Variants in CPS1 observed in about 807,000 individuals in gnomAD.
The protein encoded by CPS1 is carbamoyl-phosphate synthase [ammonia], mitochondrial.
CPS1 carries 109 observed loss-of-function variants against 174.6 expected under a neutral mutation model. The observed-to-expected ratio is 0.62, with a 90% CI of 0.53 to 0.73. The LOEUF (loss-of-function observed/expected upper bound fraction) is 0.73. Ranked by LOEUF, CPS1 falls within the 30% of genes least tolerant of loss-of-function variation. The pLI is 0.00. For missense variants in CPS1, 1,689 were observed against 1,821.9 expected, an observed-to-expected ratio of 0.93 and a Z score of 1.33; for synonymous variants, 637 against 632.0, an observed-to-expected ratio of 1.01 and a Z score of -0.12.
intron 6 of CPS1, among the ~76,000 whole-genome samples, chr2:210,583,885 G>A (rs1320277001): frequency 1.3e-5 from 2 of 152,222 alleles, no homozygotes; most frequent in African/African-American, 4.8e-5. Flanking sequence ...CAAAACTCAC[G>A]AGAGCCTGAA....
chr2:210,616,676 C>A, intron 21 of CPS1, 135 bp downstream of exon 21: 1 of 705,118 alleles, frequency 1.4e-6, no homozygotes, highest in East Asian at 2.5e-5. Context: ...AAATAGTACC[C>A]GTAGCCAGAA....
At chr2:210,582,470 G>C in intron 5 of CPS1, 147 bp from the exon 6 acceptor site, 1 of 686,098 alleles carries the variant, frequency 1.5e-6, no homozygotes, top group Non-Finnish European at 2.6e-6. Context: ...TTTTCAGTTT[G>C]AGAAGATGAA....
chr2:210,547,265 AC>A (rs1388994850), intron 1 of CPS1, among the ~76,000 whole-genome samples: 1 of 152,142 alleles, frequency 6.6e-6, no homozygotes, highest in African/African-American at 2.4e-5. Context: ...TTTAAAAAGC[AC>A]TTTGTTTTAA....
chr2:210,661,392 A>G (rs1700917274), intron 32 of CPS1, among the ~76,000 whole-genome samples: 1 of 152,224 alleles, frequency 6.6e-6, no homozygotes, highest in South Asian at 2.1e-4. Context: ...GAGCACAATG[A>G]AATTAATATA....
intron 1 of CPS1, among the ~76,000 whole-genome samples, chr2:210,513,255 A>G (rs1034171228): frequency 1.2e-4 from 18 of 151,048 alleles, no homozygotes; most frequent in African/African-American, 4.4e-4. Context: ...AAATCTCTAA[A>G]CTGCTTTCTA....
At position 210,590,259 on chromosome 2, in the gene CPS1, G is replaced by A. The variant is rs369669109; in HGVS notation, c.840+25G>A. Reference sequence around the variant, plus strand: ...GGTGCAATGAACCTTGAATTCATGTGTATCTGTGTGGGAGGTGGGGGCTTC... The same window carrying A: ...GGTGCAATGAACCTTGAATTCATGTATATCTGTGTGGGAGGTGGGGGCTTC... On this transcript the variant is annotated intron_variant, in intron 8 of 37. Coordinates refer to ENST00000233072, the MANE Select transcript of CPS1 (RefSeq NM_001875.5). 15 of 1,611,992 alleles carry A rather than the reference G, an allele frequency of 9.3e-6. No individual in the cohort carries two copies. In the African/African-American group the frequency reaches 1.3e-4, roughly 14 times the overall value.
At chr2:210,580,277 C>T (rs1697876706) in intron 5 of CPS1, among the ~76,000 whole-genome samples, 1 of 152,074 alleles carries the variant, frequency 6.6e-6, no homozygotes, top group African/African-American at 2.4e-5. Context: ...GCATGCATTA[C>T]TTCAATTATA....
intron 21 of CPS1, among the ~76,000 whole-genome samples, chr2:210,626,943 C>T (rs1220136600): frequency 2.0e-5 from 3 of 152,096 alleles, no homozygotes; most frequent in Admixed American, 1.3e-4. Flanking sequence ...CTGAATCACA[C>T]GAGGTGTGTG....
intron 1 of CPS1, among the ~76,000 whole-genome samples, chr2:210,567,184 CT>C (rs1697331553): frequency 6.6e-6 from 1 of 151,978 alleles, no homozygotes; most frequent in Middle Eastern, 3.2e-3. Context: ...AGTATTACAG[CT>C]TTTTTAAGGG....
At chr2:210,646,117 T>A (rs1700370764) in intron 25 of CPS1, among the ~76,000 whole-genome samples, 1 of 152,172 alleles carries the variant, frequency 6.6e-6, no homozygotes, top group African/African-American at 2.4e-5. Context: ...TGACTCAAAC[T>A]TTTGCTATAA....
chr2:210,558,576 A>G (rs1375883294), intron 1 of CPS1, among the ~76,000 whole-genome samples: 1 of 152,050 alleles, frequency 6.6e-6, no homozygotes, highest in African/African-American at 2.4e-5. Flanking sequence ...AAGTTGGGTG[A>G]CTTGGAATAT....
intron 1 of CPS1, among the ~76,000 whole-genome samples, chr2:210,502,773 A>C (rs773482653): frequency 5.3e-5 from 8 of 152,084 alleles, no homozygotes; most frequent in Non-Finnish European, 1.2e-4. Flanking sequence ...TCAAAATTTG[A>C]GTGAGGGGTT....
intron 22 of CPS1, 102 bp downstream of exon 22, chr2:210,637,945 A>T: frequency 7.6e-7 from 1 of 1,321,358 alleles, no homozygotes; most frequent in Non-Finnish European, 1.1e-6. Context: ...AGAGGAGTGG[A>T]ATTAAGAAGT....
intron 7 of CPS1, among the ~76,000 whole-genome samples, chr2:210,589,758 C>T (rs902844495): frequency 2.0e-5 from 3 of 151,922 alleles, no homozygotes; most frequent in Admixed American, 6.6e-5. Flanking sequence ...CTCCTGGACT[C>T]GGGTGATCCT....
chr2:210,577,651 C>A, intron 4 of CPS1, 141 bp downstream of exon 4: 1 of 747,080 alleles, frequency 1.3e-6, no homozygotes, highest in Non-Finnish European at 2.4e-6. Flanking sequence ...TCTCTTACTA[C>A]ATAAAGGCTG....
At chr2:210,503,194 G>C (rs2105965190) in intron 1 of CPS1, among the ~76,000 whole-genome samples, 1 of 152,290 alleles carries the variant, frequency 6.6e-6, no homozygotes, top group Non-Finnish European at 1.5e-5. Context: ...GCTGCCACTA[G>C]ATGGCGCAGG....
intron 21 of CPS1, among the ~76,000 whole-genome samples, chr2:210,633,099 A>G (rs1392933426): frequency 1.3e-5 from 2 of 152,184 alleles, no homozygotes; most frequent in Non-Finnish European, 2.9e-5. Context: ...AGGGATGCCT[A>G]TGTAGAAAGT....
intron 3 of CPS1, 68 bp downstream of exon 3, chr2:210,576,558 T>G: frequency 6.4e-7 from 1 of 1,574,626 alleles, no homozygotes; most frequent in Non-Finnish European, 8.7e-7. Flanking sequence ...TTCTTAAGAA[T>G]TAGGATGGCC....
chr2:210,525,850 G>A (rs1695959587), intron 1 of CPS1, among the ~76,000 whole-genome samples: 1 of 150,838 alleles, frequency 6.6e-6, no homozygotes, highest in Non-Finnish European at 1.5e-5. Flanking sequence ...AGAGGAGGAA[G>A]GAGAAGAAGG....
Sources: allele counts gnomAD v4.1 joint callset (sites outside exome capture counted in the v4.1 genomes callset), GRCh38; gene constraint gnomAD v4.1.1; transcripts MANE v1.5; gene names NCBI Gene and HGNC (gene_info 2026-07-23, HGNC 2026-07-21).